Variants in YLPM1 observed in about 807,000 individuals in gnomAD.
YLPM1 encodes YLP motif containing 1, also known as YLP motif-containing protein 1.
YLPM1 carries 99 observed loss-of-function variants against 230.0 expected under a neutral mutation model. The observed-to-expected ratio is 0.43, with a 90% CI of 0.37 to 0.51. The LOEUF (loss-of-function observed/expected upper bound fraction) is 0.51, where lower values mean the gene tolerates loss of function less well. Among genes scored for constraint, YLPM1 ranks in the 20% least tolerant of loss-of-function variants. The pLI is 0.00. For missense variants in YLPM1, 2,592 were observed against 2,707.7 expected (o/e 0.96, Z 0.95); for synonymous variants, 984 against 942.5 (o/e 1.04, Z -0.81).
intron 18 of YLPM1, among the ~76,000 whole-genome samples, chr14:74,825,512 C>G (rs1040884085): frequency 5.3e-5 from 8 of 151,896 alleles, no homozygotes; most frequent in African/African-American, 1.9e-4. Flanking sequence ...TCCAGAGACC[C>G]TTAAAGCACT....
Position 74,781,983 on chromosome 14 carries a change from C to T in YLPM1, c.1940C>T (p.Thr647Ile). The T allele has an allele frequency of 6.2e-7, 1 of 1,613,684 alleles. No homozygotes were observed. The highest frequency in any genetic ancestry group is 8.5e-7 in the Non-Finnish European group (1 of 1,179,742). ...CCACAAGGGATACCTCCTCAGTTAA[C>T]AGCAGCCCCAGTTCCACCAGCCTCC... ...GVPQGIPPQL[T>I]AAPVPPASSS... Residue 647 changes from threonine (T) to isoleucine (I), a missense_variant, in exon 4 of 21, where the codon ACA becomes ATA. Physicochemically the swap from Thr to Ile is moderately conservative, Grantham distance 89. This residue lies in a region of YLPM1 where 1,862 missense variants were observed against 1,819.8 expected (regional missense o/e 1.02). Coordinates refer to ENST00000325680, the MANE Select transcript of YLPM1 (RefSeq NM_019589.3).
rs2091277932 is a variant in YLPM1 at position 74,797,682 on chromosome 14, C to G, written c.2385C>G (p.Pro795=). The G allele has an allele frequency of 1.2e-6, 2 of 1,611,810 alleles. No individual in the cohort carries two copies. The highest frequency in any genetic ancestry group is 1.7e-6 in the Non-Finnish European group (2 of 1,178,690). The part of the protein sequence containing the change: ...FEGNRPDGPR[P]RYEGHPAEGT... The stretch of plus-strand genomic sequence containing the variant: ...GAAATCGCCCCGATGGGCCAAGACC[C>G]AGATATGAAGGTCACCCAGCAGAGG... Residue 795 remains proline, a synonymous_variant, in exon 5 of 21, where the codon CCC becomes CCG. Transcript: ENST00000325680.
chr14:74,809,486 C>T lies in YLPM1; in HGVS notation c.4628C>T (p.Pro1543Leu), dbSNP rs1184017408. 1 of 1,586,520 alleles carries T rather than the reference C, an allele frequency of 6.3e-7. No individual in the cohort carries two copies. Among genetic ancestry groups the T allele is most frequent in the Non-Finnish European group, 8.6e-7 (1 of 1,165,442 alleles). ...ARSSVPVTRP[P>L]VPIPPPPPPP... The stretch of plus-strand genomic sequence containing the variant: ...TCATCTGTTCCTGTGACCAGGCCAC[C>T]TGTCCCAATACCACCACCTCCACCT... The change falls in exon 7 of 21, where the codon CCT becomes CTT. Residue 1543 changes from proline to leucine, a missense_variant. Coordinates refer to ENST00000325680, the MANE Select transcript of YLPM1 (RefSeq NM_019589.3).
At chr14:74,814,178 G>A (rs554208228) in intron 11 of YLPM1, among the ~76,000 whole-genome samples, 3 of 152,238 alleles carry the variant, frequency 2.0e-5, no homozygotes, top group African/African-American at 7.2e-5. Flanking sequence ...TGGCTAACAC[G>A]GTGAAACCCC....
chr14:74,818,332 C>A lies in YLPM1; in HGVS notation c.6030+18C>A. The A allele has an allele frequency of 6.4e-7, 1 of 1,569,640 alleles. No homozygotes were observed. Among genetic ancestry groups the A allele is most frequent in the Non-Finnish European group, 8.6e-7 (1 of 1,156,846 alleles). The stretch of plus-strand genomic sequence containing the variant: ...TTGAAGAGGTGAGTATCCTTTGGTT[C>A]AAATGCAATGCAAAGTGATGTTACT... On this transcript the variant is annotated intron_variant, in intron 16 of 20. Transcript: ENST00000325680.
chr14:74,802,074 C>T (rs527524593), intron 5 of YLPM1, among the ~76,000 whole-genome samples: 2 of 151,968 alleles, frequency 1.3e-5, no homozygotes, highest in East Asian at 1.9e-4. Flanking sequence ...AATAATTAGC[C>T]GGGCGCGGTG....
chr14:74,806,171 A>G (rs2091376671), intron 6 of YLPM1, among the ~76,000 whole-genome samples: 1 of 151,484 alleles, frequency 6.6e-6, no homozygotes, highest in Non-Finnish European at 1.5e-5. Flanking sequence ...AGCCTGGCCA[A>G]CATGGTGAAA....
chr14:74,829,446 T>C, intron 19 of YLPM1, 103 bp downstream of exon 19: 2 of 1,494,500 alleles, frequency 1.3e-6, no homozygotes, highest in South Asian at 1.2e-5. Context: ...ATTTTTAGAA[T>C]GATTTAGTTT....
intron 4 of YLPM1, among the ~76,000 whole-genome samples, chr14:74,786,415 T>C (rs1477217735): frequency 2.4e-5 from 3 of 126,808 alleles, no homozygotes; most frequent in African/African-American, 9.0e-5. Context: ...GATCAAGAAA[T>C]AGGAATTACT....
Position 74,798,561 on chromosome 14 carries a change from C to A in YLPM1, c.3264C>A (p.Ser1088Arg). 1 of 1,613,766 alleles carries A rather than the reference C, an allele frequency of 6.2e-7. No homozygotes were observed. Among genetic ancestry groups the A allele is most frequent in the Non-Finnish European group, 8.5e-7 (1 of 1,179,822 alleles). ...ACAGAGGGTTGGTGAGGCCTGGAAG[C>A]AGTCGGGAGAAAGTGCCAGGTGGTC... Reference protein sequence around the residue: ...SRDRGLVRPGSSREKVPGGLQ... With the variant: ...SRDRGLVRPGRSREKVPGGLQ... The change falls in exon 5 of 21, where the codon AGC (serine) becomes AGA (arginine). Residue 1088 changes from serine to arginine, a missense_variant. Physicochemically the swap from Ser to Arg is moderately radical, Grantham distance 110. Transcript: ENST00000325680.
intron 15 of YLPM1, among the ~76,000 whole-genome samples, chr14:74,817,575 ACCCATTCCTCATAATATATG>A (rs930488279): frequency 7.2e-5 from 11 of 152,240 alleles, no homozygotes; most frequent in Admixed American, 5.9e-4. Flanking sequence ...TTGCCTAATG[ACCCATTCCTCATAATATATG>A]CCCATTGCTA....
chr14:74,779,985 G>A (rs1209235189), intron 2 of YLPM1, among the ~76,000 whole-genome samples: 2 of 152,062 alleles, frequency 1.3e-5, no homozygotes, highest in Non-Finnish European at 2.9e-5. Context: ...TGTATTTTTA[G>A]TAGAGACGGG....
intron 19 of YLPM1, among the ~76,000 whole-genome samples, chr14:74,834,425 T>G (rs970943124): frequency 6.6e-6 from 1 of 152,148 alleles, no homozygotes; most frequent in Admixed American, 6.6e-5. Context: ...TGTGTAGAGA[T>G]AAATAAAATT....
intron 19 of YLPM1, among the ~76,000 whole-genome samples, chr14:74,833,812 T>C (rs1369554038): frequency 2.6e-5 from 4 of 152,182 alleles, no homozygotes; most frequent in Admixed American, 2.6e-4. Context: ...TTGCTAGTCA[T>C]GCAAATGGTA....
intron 18 of YLPM1, chr14:74,827,302 A>G (rs1184137391): frequency 1.0e-6 from 1 of 975,296 alleles, no homozygotes; most frequent in East Asian, 1.1e-4. Context: ...ACCAGTCTTT[A>G]TTCTGTAATT....
At chr14:74,771,775 C>T (rs2090978652) in intron 1 of YLPM1, among the ~76,000 whole-genome samples, 1 of 152,022 alleles carries the variant, frequency 6.6e-6, no homozygotes, top group African/African-American at 2.4e-5. Flanking sequence ...TGAGTACAGA[C>T]AACTCTTTCA....
chr14:74,781,726 C>T lies in YLPM1; in HGVS notation c.1683C>T (p.Pro561=), dbSNP rs541092281. ...LPATVPPPGM[P]PPVMPPSLPT... is the part of the protein sequence containing the mutation. ...CTACAGTGCCACCACCTGGCATGCC[C>T]CCACCTGTTATGCCACCTTCTCTAC... The change falls in exon 4 of 21, where the codon CCC becomes CCT. Residue 561 remains proline, a synonymous_variant. Coordinates refer to ENST00000325680, the MANE Select transcript of YLPM1 (RefSeq NM_019589.3). The T allele has an allele frequency of 3.7e-6, 6 of 1,612,594 alleles. No individual in the cohort carries two copies. Among genetic ancestry groups the T allele is most frequent in the East Asian group, 2.2e-5 (1 of 44,818 alleles).
At chr14:74,767,781 C>A (rs2090927988) in intron 1 of YLPM1, among the ~76,000 whole-genome samples, 1 of 151,852 alleles carries the variant, frequency 6.6e-6, no homozygotes, top group Non-Finnish European at 1.5e-5. Flanking sequence ...TCTGCTTTTT[C>A]ATGGTGTCAC....
chr14:74,795,698 C>T (rs894422374), intron 4 of YLPM1, among the ~76,000 whole-genome samples: 8 of 152,160 alleles, frequency 5.3e-5, no homozygotes, highest in African/African-American at 1.4e-4. Context: ...TTGTCTCTGT[C>T]CACTATTTTT....
Sources: gnomAD v4.1 joint callset for allele counts (sites outside exome capture counted in the v4.1 genomes callset) on GRCh38, gnomAD v4.1.1 for gene constraint, gnomAD v4.1.1 regional missense constraint, MANE v1.5 for transcripts, NCBI Gene and HGNC (gene_info 2026-07-23, HGNC 2026-07-21) for gene names.